PLXNB1: variants seen among roughly 807,000 people sequenced by gnomAD.
The protein encoded by PLXNB1 is plexin B1, also known as plexin-B1.
A neutral mutation model predicts 209.4 loss-of-function variants in PLXNB1; 106 were observed. The observed-to-expected ratio is 0.51, with a 90% CI of 0.43 to 0.59. The LOEUF is 0.59. PLXNB1 is among the 20% of genes least tolerant of loss of function. PLXNB1 has a pLI of 0.00. For synonymous variants in PLXNB1, 1,167 were observed against 1,183.2 expected, an observed-to-expected ratio of 0.99 and a Z score of 0.28; for missense variants, 2,357 against 2,853.2, an observed-to-expected ratio of 0.83 and a Z score of 3.96.
At chr3:48,425,843 G>C (rs1269162450) in intron 1 of PLXNB1, among the ~76,000 whole-genome samples, 1 of 150,396 alleles carries the variant, frequency 6.6e-6, no homozygotes, top group African/African-American at 2.5e-5. Flanking sequence ...CACAGAGAGA[G>C]AGAGATGCAG....
rs2037301591 is a variant in PLXNB1, at chr3:48,406,060, G to T, written c.6229-262C>A. The stretch of plus-strand genomic sequence containing the variant: ...AGGTCTACCTGCTTCAGCAAGGTCT[G>T]GGGTTTCCACTGAAGCCCTGCCTCT... On this transcript the variant is annotated intron_variant, in intron 36 of 37. Transcript: ENST00000296440. This position sits in a 1 kb window ranked among gnomAD's most constrained non-coding sequence, Gnocchi z 4.4. The T allele has an allele frequency of 2.4e-6, 1 of 411,996 alleles. No individual in the cohort carries two copies. The highest frequency in any genetic ancestry group is 4.6e-6 in the Non-Finnish European group (1 of 219,260). The allele number at this position is 411,996 out of a possible 1,614,324, so 25.5% of individuals were successfully genotyped here.
Position 48,422,941 on chromosome 3 carries a change from G to A in PLXNB1, c.1114C>T (p.Leu372=). 6 of 1,613,414 alleles carry A rather than the reference G, an allele frequency of 3.7e-6. No homozygotes were observed. The highest frequency in any genetic ancestry group is 5.1e-6 in the Non-Finnish European group (6 of 1,179,756). Residue 372 remains leucine, a synonymous_variant, in exon 4 of 38, where the codon CTG becomes TTG. Transcript: ENST00000296440. ...SDCAQLPVDT[L]DAYPCGSDHT... ...TCTGAGCCACAGGGATAAGCATCCA[G>A]GGTGTCCTATAGGCAGCAAGAAGCA... is the stretch of plus-strand genomic sequence containing the variant.
chr3:48,420,117 G>T lies in PLXNB1; in HGVS notation c.2169C>A (p.Asp723Glu). 1 of 1,613,162 alleles carries T rather than the reference G, an allele frequency of 6.2e-7. No individual in the cohort carries two copies. The highest frequency in any genetic ancestry group is 1.1e-5 in the South Asian group (1 of 90,992). Residue 723 changes from aspartate to glutamate, a missense_variant, in exon 11 of 38, where the codon GAC (aspartate) becomes GAA (glutamate). Physicochemically the swap from Asp to Glu is conservative, Grantham distance 45. This residue lies in a region of PLXNB1 where 410 missense variants were observed against 401.0 expected (regional missense o/e 1.02). Coordinates refer to ENST00000296440, the MANE Select transcript of PLXNB1 (RefSeq NM_001130082.3). ...PGAPSTATAS[D>E]ISPGASPSLL... ...GGGAAGGACTAGCCCCAGGTGAGAT[G>T]TCCGAAGCTGTGGCTGTGGAGGGAG...
At chr3:48,428,118 G>A (rs1433841128) in intron 1 of PLXNB1, among the ~76,000 whole-genome samples, 1 of 152,134 alleles carries the variant, frequency 6.6e-6, no homozygotes. Context: ...CTCCCTGTAT[G>A]GTGAACGAAC....
chr3:48,422,521 C>T, intron 4 of PLXNB1, 62 bp from the exon 5 acceptor site: 1 of 1,475,838 alleles, frequency 6.8e-7, no homozygotes, highest in Non-Finnish European at 9.0e-7. Flanking sequence ...AAAGCCCTCC[C>T]CTCCTCCACC....
At position 48,420,120 on chromosome 3, in the gene PLXNB1, C is replaced by G. The variant is rs553300699; in HGVS notation, c.2166G>C (p.Ser722=). ...EPGAPSTATA[S]DISPGASPSL... ...AAGGACTAGCCCCAGGTGAGATGTCCGAAGCTGTGGCTGTGGAGGGAGCCC... is the reference window on the plus strand; with the variant it reads ...AAGGACTAGCCCCAGGTGAGATGTCGGAAGCTGTGGCTGTGGAGGGAGCCC... The change falls in exon 11 of 38, where the codon TCG becomes TCC. Residue 722 remains serine, a synonymous_variant. Transcript: ENST00000296440. 6.2e-7 allele frequency: 1 copy of G among 1,611,616 alleles called. No homozygotes were observed. Among genetic ancestry groups the G allele is most frequent in the Non-Finnish European group, 8.5e-7 (1 of 1,179,584 alleles).
rs2037655333 is a variant in PLXNB1 at position 48,411,128 on chromosome 3, C to T, written c.5248-92G>A. On this transcript the variant is annotated intron_variant, in intron 28 of 37. Transcript: ENST00000296440. The surrounding 1 kb of genome is among the most constrained non-coding windows in gnomAD (Gnocchi z 4.0). Reference sequence around the variant, plus strand: ...GGCAGAGACAACTCATGAGAAACTGCTGCCTCCAATCCCCACGCACCACAC... The same window carrying T: ...GGCAGAGACAACTCATGAGAAACTGTTGCCTCCAATCCCCACGCACCACAC... 1.8e-6 allele frequency: 2 copies of T among 1,119,194 alleles called. No individual in the cohort carries two copies. Among genetic ancestry groups the T allele is most frequent in the African/African-American group, 3.1e-5 (2 of 64,452 alleles). 69.3% of individuals were successfully genotyped at this position (1,119,194 alleles called of 1,614,324 possible). A position where few individuals can be genotyped will look rare whatever the true frequency, so the allele number is the denominator to read the frequency against.
In PLXNB1 at chr3:48,405,771, C is replaced by T; in HGVS notation, c.6256G>A (p.Val2086Met). 1.2e-6 allele frequency: 2 copies of T among 1,613,774 alleles called. No individual in the cohort carries two copies. The highest frequency in any genetic ancestry group is 1.3e-5 in the African/African-American group (1 of 75,036). The change falls in exon 37 of 38, where the codon GTG (valine) becomes ATG (methionine). Residue 2086 changes from valine to methionine, a missense_variant. Physicochemically the swap from Val to Met is conservative, Grantham distance 21 (BLOSUM62 1). Around this residue, in one of 7 missense-constraint regions of PLXNB1, gnomAD observed 414 missense variants for 520.5 expected, o/e 0.80. Transcript: ENST00000296440. The surrounding 1 kb of genome is among the most constrained non-coding windows in gnomAD (Gnocchi z 5.0). ...TACTTGTAGAGTTCATGCAGGGCCA[C>T]TCGCGCCCCGAGGTCTCCGGAGTAG... ...WNYSGDLGAR[V>M]ALHELYKYIN...
chr3:48,413,311 C>A lies in PLXNB1; in HGVS notation c.4536-142G>T, dbSNP rs1006750098. 7.2e-6 allele frequency: 5 copies of A among 696,290 alleles called. No individual in the cohort carries two copies. The highest frequency in any genetic ancestry group is 7.0e-5 in the African/African-American group (4 of 57,192). The allele number at this position is 696,290 out of a possible 1,614,324, so 43.1% of individuals were successfully genotyped here. ...AGCCAAGCTCAAGCCTAGCCCAGTA[C>A]GATTCAGCCTGTCCCGTCCCAAGCA... On this transcript the variant is annotated intron_variant, in intron 23 of 37. Coordinates refer to ENST00000296440, the MANE Select transcript of PLXNB1 (RefSeq NM_001130082.3). The surrounding 1 kb of genome is among the most constrained non-coding windows in gnomAD (Gnocchi z 5.4).
Position 48,415,267 on chromosome 3 carries a change from C to CA in PLXNB1, c.3874_3875insT (p.Arg1292MetfsTer29). On this transcript the variant is annotated frameshift_variant, in exon 20 of 38. Transcript: ENST00000296440. LOFTEE classifies it high-confidence loss of function. This position sits in a 1 kb window ranked among gnomAD's most constrained non-coding sequence, Gnocchi z 5.0. ...AAGCCCCTGGCTGGGCTGCAGCATT[C>CA]TCGAGACCACGGTCACCCGGATTCT... is the stretch of plus-strand genomic sequence containing the variant. 2 of 1,613,610 alleles carry CA rather than the reference C, an allele frequency of 1.2e-6. No homozygotes were observed. Among genetic ancestry groups the CA allele is most frequent in the Non-Finnish European group, 1.7e-6 (2 of 1,180,034 alleles).
At position 48,420,264 on chromosome 3, in the gene PLXNB1, G is replaced by A; in HGVS notation, c.2029-7C>T. 2 of 1,531,044 alleles carry A rather than the reference G, an allele frequency of 1.3e-6. No homozygotes were observed. Among genetic ancestry groups the A allele is most frequent in the Non-Finnish European group, 1.8e-6 (2 of 1,135,880 alleles). The allele number at this position is 1,531,044 out of a possible 1,614,324, so 94.8% of individuals were successfully genotyped here. On this transcript the variant is annotated splice_region_variant and splice_polypyrimidine_tract_variant and intron_variant, in intron 10 of 37. Coordinates refer to ENST00000296440, the MANE Select transcript of PLXNB1 (RefSeq NM_001130082.3). ...CTGGGGAGACAAGCGGGCTCTGAAG[G>A]GGGAGGCAGAGGAAGACAGGAAGGG...
Position 48,417,164 on chromosome 3 carries a change from G to A in PLXNB1, c.3375-713C>T, listed in dbSNP as rs554489385. ...GTCTAGATAGTCACCGTAAGTTCTC[G>A]GTCATAACACATTCAGGGGACACTC... On this transcript the variant is annotated intron_variant, in intron 16 of 37. Coordinates refer to ENST00000296440, the MANE Select transcript of PLXNB1 (RefSeq NM_001130082.3). The surrounding 1 kb of genome is among the most constrained non-coding windows in gnomAD (Gnocchi z 4.4). Among the ~76,000 whole-genome samples, 5 of 152,308 alleles carry A rather than the reference G, an allele frequency of 3.3e-5. No homozygotes were observed. Among genetic ancestry groups the A allele is most frequent in the East Asian group, 1.9e-4 (1 of 5,186 alleles).
In PLXNB1 at chr3:48,413,887, C is replaced by CCACTGACCGTGAACT. The variant is rs754619474; in HGVS notation, c.4379_4386+7dup. 6.2e-7 allele frequency: 1 copy of CCACTGACCGTGAACT among 1,606,918 alleles called. No individual in the cohort carries two copies. Among genetic ancestry groups the CCACTGACCGTGAACT allele is most frequent in the Non-Finnish European group, 8.5e-7 (1 of 1,175,098 alleles). ...ATGCCCAGCCCGGCCAGGGACCTGC[C>CCACTGACCGTGAACT]CACTGACCGTGAACTCAGGCAAAGA... On this transcript the variant is annotated splice_region_variant and intron_variant, in intron 22 of 37. Coordinates refer to ENST00000296440, the MANE Select transcript of PLXNB1 (RefSeq NM_001130082.3). The surrounding 1 kb of genome is among the most constrained non-coding windows in gnomAD (Gnocchi z 5.4).
intron 10 of PLXNB1, 72 bp downstream of exon 10, chr3:48,420,592 CG>C: frequency 8.2e-7 from 1 of 1,224,776 alleles, no homozygotes; most frequent in East Asian, 2.4e-5. Flanking sequence ...AGACAGACCC[CG>C]GGCCATGAGA....
chr3:48,411,028 A>G lies in PLXNB1; in HGVS notation c.5256T>C (p.Asn1752=), dbSNP rs1271392800. Residue 1752 remains asparagine (N), a synonymous_variant, in exon 29 of 38, where the codon AAT becomes AAC. Transcript: ENST00000296440. The surrounding 1 kb of genome is among the most constrained non-coding windows in gnomAD (Gnocchi z 4.0). ...EDVEYRPLTL[N]ALLAVGPGAG... The stretch of plus-strand genomic sequence containing the variant: ...CCCCAGGCCCCACAGCCAATAGTGC[A>G]TTCAAGGTCTGTGCAGGACACACAG... The G allele has an allele frequency of 6.2e-7, 1 of 1,613,296 alleles. No homozygotes were observed. Among genetic ancestry groups the G allele is most frequent in the South Asian group, 1.1e-5 (1 of 91,004 alleles).
Position 48,413,739 on chromosome 3 carries a change from G to A in PLXNB1, c.4466C>T (p.Ala1489Val). ...GGTGCCCACCCCCAAGCCCACCTGG[G>A]CTGCCACAGGAAAAGCCCCAGGGCT... ...GESPGAFPVA[A>V]QVGLGVGTSL... The change falls in exon 23 of 38, where the codon GCC (alanine) becomes GTC (valine). Residue 1489 changes from alanine (A) to valine (V), a missense_variant. By Grantham distance (64) the Ala-to-Val change is moderately conservative. Around this residue, in one of 7 missense-constraint regions of PLXNB1, gnomAD observed 743 missense variants for 896.2 expected, o/e 0.83. Coordinates refer to ENST00000296440, the MANE Select transcript of PLXNB1 (RefSeq NM_001130082.3). The surrounding 1 kb of genome is among the most constrained non-coding windows in gnomAD (Gnocchi z 5.4). 1 of 1,613,532 alleles carries A rather than the reference G, an allele frequency of 6.2e-7. No individual in the cohort carries two copies. The highest frequency in any genetic ancestry group is 8.5e-7 in the Non-Finnish European group (1 of 1,180,006).
rs267599854 is a variant in PLXNB1 at position 48,418,247 on chromosome 3, C to A, written c.3166G>T (p.Ala1056Ser). ...GCCACAGCCTCAGCCTCACCACAGG[C>A]CTCCCGGGTCACACAACGTGGACGC... ...GERPRCVTRE[A>S]CGEAEAVATQ... The change falls in exon 15 of 38, where the codon GCC becomes TCC. Residue 1056 changes from alanine (A) to serine (S), a missense_variant. Around this residue, in one of 7 missense-constraint regions of PLXNB1, gnomAD observed 743 missense variants for 896.2 expected, o/e 0.83. Transcript: ENST00000296440. The surrounding 1 kb of genome is among the most constrained non-coding windows in gnomAD (Gnocchi z 6.6). The A allele has an allele frequency of 9.9e-6, 16 of 1,613,182 alleles. No individual in the cohort carries two copies. In the South Asian group the frequency reaches 1.5e-4, roughly 16 times the overall value.
At position 48,410,297 on chromosome 3, in the gene PLXNB1, C is replaced by T. The variant is rs750222008; in HGVS notation, c.5604G>A (p.Glu1868=). The change falls in exon 31 of 38, where the codon GAG becomes GAA. Residue 1868 remains glutamate, a splice_region_variant and synonymous_variant. Transcript: ENST00000296440. The surrounding 1 kb of genome is among the most constrained non-coding windows in gnomAD (Gnocchi z 6.4). ...LRENQDYVPG[E]RTPMLEDVDE... The stretch of plus-strand genomic sequence containing the variant: ...GACCGTGATGGGAGCGGTACTCACG[C>T]TCTCCAGGGACATAATCCTGGTTTT... The T allele has an allele frequency of 1.2e-6, 2 of 1,605,782 alleles. No individual in the cohort carries two copies. The highest frequency in any genetic ancestry group is 2.2e-5 in the East Asian group (1 of 44,814).
In PLXNB1 at chr3:48,415,476, G is replaced by A. The variant is rs2038022281; in HGVS notation, c.3794+107C>T. On this transcript the variant is annotated intron_variant, in intron 19 of 37. Transcript: ENST00000296440. This position sits in a 1 kb window ranked among gnomAD's most constrained non-coding sequence, Gnocchi z 5.0. ...ACACGACCCCTTGCCCCTACTAGCAGCATGGGATTCTCAGTGCCTCAACAT... is the reference window on the plus strand; with the variant it reads ...ACACGACCCCTTGCCCCTACTAGCAACATGGGATTCTCAGTGCCTCAACAT... 25 of 1,412,600 alleles carry A rather than the reference G, an allele frequency of 1.8e-5. No homozygotes were observed. In the South Asian group the frequency reaches 3.4e-4, roughly 19 times the overall value. 87.5% of individuals were successfully genotyped at this position (1,412,600 alleles called of 1,614,324 possible). A position where few individuals can be genotyped will look rare whatever the true frequency, so the allele number is the denominator to read the frequency against.
Sources: gnomAD v4.1 joint callset for allele counts (sites outside exome capture counted in the v4.1 genomes callset) on GRCh38, gnomAD v4.1.1 for gene constraint, gnomAD v4.1.1 regional missense constraint, Gnocchi (gnomAD v3.1) non-coding constraint, MANE v1.5 for transcripts, NCBI Gene and HGNC (gene_info 2026-07-23, HGNC 2026-07-21) for gene names.